SRGAP1: variants seen among roughly 807,000 people sequenced by gnomAD.
The protein encoded by SRGAP1 is SLIT-ROBO Rho GTPase activating protein 1, also known as SLIT-ROBO Rho GTPase-activating protein 1.
In SRGAP1, 43 loss-of-function variants were observed where a neutral mutation model predicts 121.9. The ratio of observed to expected loss-of-function variants is 0.35; its 90% confidence interval spans 0.28 to 0.46. The LOEUF (loss-of-function observed/expected upper bound fraction) is 0.46. Among genes scored for constraint, SRGAP1 ranks in the 20% least tolerant of loss-of-function variants. SRGAP1 has a pLI of 1.00. For synonymous variants in SRGAP1, 447 were observed against 485.4 expected, an observed-to-expected ratio of 0.92 and a Z score of 1.04; for missense variants, 1,102 against 1,350.9, an observed-to-expected ratio of 0.82 and a Z score of 2.89.
chr12:64,050,926 G>A (rs143822439), intron 6 of SRGAP1, among the ~76,000 whole-genome samples: 3,984 of 152,208 alleles, frequency 0.026, 89 homozygotes, highest in Non-Finnish European at 0.042. Flanking sequence ...GTTTCACCAT[G>A]TTGGCCAGGC....
At chr12:63,966,297 A>G (rs186369662) in intron 1 of SRGAP1, among the ~76,000 whole-genome samples, 19 of 152,304 alleles carry the variant, frequency 1.2e-4, no homozygotes, top group African/African-American at 4.6e-4. Flanking sequence ...GAGGCTCTAT[A>G]TTTGAACTTT....
intron 1 of SRGAP1, among the ~76,000 whole-genome samples, chr12:63,956,889 G>C (rs919104011): frequency 3.3e-5 from 5 of 152,024 alleles, no homozygotes; most frequent in African/African-American, 1.2e-4. Flanking sequence ...ACACCCATTA[G>C]CCATCACTCT....
chr12:64,143,536 A>G lies in SRGAP1; in HGVS notation c.*864A>G, dbSNP rs2037002016. 6.6e-6 allele frequency: 1 copy of G among 152,244 alleles called. No homozygotes were observed. Among genetic ancestry groups the G allele is most frequent in the Non-Finnish European group, 1.5e-5 (1 of 68,090 alleles). The allele number at this position is 152,244 out of a possible 1,614,324, so 9.4% of individuals were successfully genotyped here. Reference sequence around the variant, plus strand: ...CAATAACTGCCTAGAAAATGTTTCCATCTCCTCTAAATCCCTGTGTTCTCC... The same window carrying G: ...CAATAACTGCCTAGAAAATGTTTCCGTCTCCTCTAAATCCCTGTGTTCTCC... On this transcript the variant is annotated 3_prime_UTR_variant, in exon 22 of 22. Coordinates refer to ENST00000355086, the MANE Select transcript of SRGAP1 (RefSeq NM_020762.4).
At chr12:64,133,562 T>A (rs1306895249) in intron 21 of SRGAP1, among the ~76,000 whole-genome samples, 1 of 152,168 alleles carries the variant, frequency 6.6e-6, no homozygotes, top group Non-Finnish European at 1.5e-5. Flanking sequence ...CCTTTCCCCA[T>A]TACACAGTTA....
At chr12:64,072,145 TGTGG>T (rs2035651050) in intron 8 of SRGAP1, among the ~76,000 whole-genome samples, 1 of 42,712 alleles carries the variant, frequency 2.3e-5, no homozygotes, top group Non-Finnish European at 7.1e-5. Flanking sequence ...TGTGTGTGTG[TGTGG>T]GCGGCGGGGG....
At chr12:63,971,883 CAGTTGTAAAATGG>C (rs1439885637) in intron 1 of SRGAP1, among the ~76,000 whole-genome samples, 1 of 151,998 alleles carries the variant, frequency 6.6e-6, no homozygotes, top group African/African-American at 2.4e-5. Flanking sequence ...TTGCGGCTTT[CAGTTGTAAAATGG>C]ATGTTGAGGA....
chr12:64,039,774 T>TGTA (rs1272618865), intron 4 of SRGAP1, among the ~76,000 whole-genome samples: 1 of 152,098 alleles, frequency 6.6e-6, no homozygotes, highest in Non-Finnish European at 1.5e-5. Context: ...GCAAGGTGTG[T>TGTA]GTAGATTCGT....
intron 1 of SRGAP1, chr12:63,879,456 C>A (rs1025193931): frequency 2.6e-5 from 4 of 152,106 alleles, no homozygotes; most frequent in African/African-American, 9.7e-5. Flanking sequence ...TTATAAAGTA[C>A]AATACAATGA....
intron 1 of SRGAP1, among the ~76,000 whole-genome samples, chr12:63,945,018 G>T (rs2031997489): frequency 6.6e-6 from 1 of 152,050 alleles, no homozygotes; most frequent in Non-Finnish European, 1.5e-5. Context: ...AATTATTCAG[G>T]CAGAAAAGAT....
intron 1 of SRGAP1, among the ~76,000 whole-genome samples, chr12:63,882,005 A>G (rs1900210707): frequency 6.6e-6 from 1 of 152,218 alleles, no homozygotes; most frequent in East Asian, 1.9e-4. Context: ...TATATAGAGA[A>G]TAAATGAAAA....
At chr12:63,881,001 A>C (rs185374572) in intron 1 of SRGAP1, among the ~76,000 whole-genome samples, 8 of 152,280 alleles carry the variant, frequency 5.3e-5, no homozygotes, top group Admixed American at 4.6e-4. Flanking sequence ...GAGGGAGGAG[A>C]AGGGAGCTGC....
intron 3 of SRGAP1, among the ~76,000 whole-genome samples, chr12:63,990,727 G>GA (rs2033536235): frequency 6.6e-6 from 1 of 152,170 alleles, no homozygotes; most frequent in South Asian, 2.1e-4. Flanking sequence ...CTGTACTCAT[G>GA]AAAAATCAGA....
chr12:63,917,683 T>C (rs1439044089), intron 1 of SRGAP1, among the ~76,000 whole-genome samples: 1 of 152,246 alleles, frequency 6.6e-6, no homozygotes, highest in African/African-American at 2.4e-5. Flanking sequence ...TAAGAATTTC[T>C]AATTACTATT....
At chr12:63,905,007 C>G (rs940019202) in intron 1 of SRGAP1, among the ~76,000 whole-genome samples, 1 of 152,136 alleles carries the variant, frequency 6.6e-6, no homozygotes, top group African/African-American at 2.4e-5. Flanking sequence ...CTACCCTCCC[C>G]CAAAGGCAAA....
At chr12:63,850,773 A>G (rs1171984457) in intron 1 of SRGAP1, among the ~76,000 whole-genome samples, 1 of 152,134 alleles carries the variant, frequency 6.6e-6, no homozygotes, top group East Asian at 1.9e-4. Context: ...TTTCACTTCA[A>G]TTCAAACAAC....
intron 1 of SRGAP1, among the ~76,000 whole-genome samples, chr12:63,887,183 G>T (rs139630573): frequency 6.0e-4 from 92 of 152,240 alleles, no homozygotes; most frequent in African/African-American, 2.0e-3. Flanking sequence ...CAGATTTAAT[G>T]ATTTTAACCA....
At chr12:64,003,023 TGAGAGAGAGA>T (rs141854046) in intron 3 of SRGAP1, among the ~76,000 whole-genome samples, 2,650 of 106,828 alleles carry the variant, frequency 0.025, 96 homozygotes, top group African/African-American at 0.082. Context: ...TGTATGTGAG[TGAGAGAGAGA>T]GAGAGAGAGA....
intron 1 of SRGAP1, among the ~76,000 whole-genome samples, chr12:63,961,000 A>G (rs1347231303): frequency 6.6e-6 from 1 of 152,214 alleles, no homozygotes; most frequent in African/African-American, 2.4e-5. Context: ...TCAAGCCACT[A>G]CGTTTGTGGT....
At chr12:64,081,192 A>T (rs954848366) in intron 10 of SRGAP1, 1 of 152,218 alleles carries the variant, frequency 6.6e-6, no homozygotes, top group African/African-American at 2.4e-5. Context: ...CCCTGCCAGA[A>T]GTTAGAAAAA....
Sources: gnomAD v4.1 joint callset for allele counts (sites outside exome capture counted in the v4.1 genomes callset) on GRCh38, gnomAD v4.1.1 for gene constraint, MANE v1.5 for transcripts, NCBI Gene and HGNC (gene_info 2026-07-23, HGNC 2026-07-21) for gene names.